The following GPR157 variants were observed in gnomAD, a reference collection of about 807,000 sequenced individuals.
GPR157 encodes G protein-coupled receptor 157.
Under a neutral mutation model 23.5 loss-of-function variants are expected in GPR157, and 16 were observed. That is an observed-to-expected ratio of 0.68 (90% confidence interval 0.46 to 1.04). The LOEUF (loss-of-function observed/expected upper bound fraction) is 1.04, where lower values mean the gene tolerates loss of function less well. Among genes scored for constraint, GPR157 ranks in the 50% least tolerant of loss-of-function variants. The pLI is 0.00. For missense variants in GPR157, 440 were observed against 460.7 expected, an observed-to-expected ratio of 0.96 and a Z score of 0.41; for synonymous variants, 200 against 221.5, an observed-to-expected ratio of 0.90 and a Z score of 0.86.
At chr1:9,116,492 C>T (rs1195156400) in intron 1 of GPR157, among the ~76,000 whole-genome samples, 2 of 138,676 alleles carry the variant, frequency 1.4e-5, no homozygotes, top group Non-Finnish European at 3.0e-5. Context: ...TTATTATTCC[C>T]AGCACTTTGA....
chr1:9,128,681 C>T lies in GPR157; in HGVS notation c.347G>A (p.Arg116His), dbSNP rs139688767. ...LSIVRAARGPRTDRLLWAFHV... is the reference protein window; with the variant it reads ...LSIVRAARGPHTDRLLWAFHV... The stretch of plus-strand genomic sequence containing the variant: ...GAAGGCCCAAAGCAGGCGATCTGTG[C>T]GAGGCCCGCGCGCGGCGCGGACGAT... The change falls in exon 1 of 4, where the codon CGC becomes CAC. Residue 116 changes from arginine to histidine, a missense_variant. Physicochemically the swap from Arg to His is conservative, Grantham distance 29. Coordinates refer to ENST00000377411, the MANE Select transcript of GPR157 (RefSeq NM_024980.5). This position sits in a 1 kb window ranked among gnomAD's most constrained non-coding sequence, Gnocchi z 6.3. The T allele has an allele frequency of 4.3e-6, 7 of 1,613,162 alleles. No individual in the cohort carries two copies. The highest frequency in any genetic ancestry group is 1.1e-5 in the South Asian group (1 of 91,080).
intron 1 of GPR157, among the ~76,000 whole-genome samples, chr1:9,119,265 T>C (rs1262576180): frequency 2.0e-5 from 3 of 152,050 alleles, no homozygotes; most frequent in Non-Finnish European, 4.4e-5. Flanking sequence ...ACTCCTGACC[T>C]CAGGTGATCC....
chr1:9,100,676 A>G lies in GPR157; in HGVS notation c.*3743T>C, dbSNP rs935512388. ...CAGTACGTGTTATGGCTGAGGTTAC[A>G]CTTGGGTGACTCAGGGATGCAGGCA... On this transcript the variant is annotated 3_prime_UTR_variant, in exon 4 of 4. Transcript: ENST00000377411. 2 of 152,390 alleles carry G rather than the reference A, an allele frequency of 1.3e-5. No homozygotes were observed. The highest frequency in any genetic ancestry group is 3.9e-4 in the East Asian group (2 of 5,184). The allele number at this position is 152,390 out of a possible 1,614,324, so 9.4% of individuals were successfully genotyped here. A position where few individuals can be genotyped will look rare whatever the true frequency, so the allele number is the denominator to read the frequency against.
At chr1:9,110,929 G>A (rs969000623) in intron 2 of GPR157, among the ~76,000 whole-genome samples, 2 of 152,198 alleles carry the variant, frequency 1.3e-5, no homozygotes, top group African/African-American at 4.8e-5. Context: ...ACCACAGGCC[G>A]TCCACCAGGG....
At chr1:9,107,032 C>G (rs370185223) in intron 2 of GPR157, among the ~76,000 whole-genome samples, 3 of 152,176 alleles carry the variant, frequency 2.0e-5, no homozygotes, top group Non-Finnish European at 4.4e-5. Flanking sequence ...CCCATCCTCA[C>G]GTTCCGCTTT....
intron 1 of GPR157, among the ~76,000 whole-genome samples, chr1:9,119,011 G>C (rs1638744735): frequency 6.6e-6 from 1 of 151,762 alleles, no homozygotes; most frequent in African/African-American, 2.4e-5. Context: ...CTCTAGCCTG[G>C]GTGAGAGTGA....
chr1:9,104,661 A>G, intron 3 of GPR157, 27 bp from the exon 4 acceptor site: 2 of 1,533,068 alleles, frequency 1.3e-6, no homozygotes, highest in African/African-American at 1.4e-5. Flanking sequence ...AGCTGTGAGC[A>G]TGGGGCTGGA....
chr1:9,121,577 C>T (rs890844328), intron 1 of GPR157, among the ~76,000 whole-genome samples: 1 of 152,024 alleles, frequency 6.6e-6, no homozygotes, highest in African/African-American at 2.4e-5. Flanking sequence ...GAAGTGGAAG[C>T]TGCAGTGAGC....
In GPR157 at chr1:9,112,398, G is replaced by A. The variant is rs141409110; in HGVS notation, c.384-909C>T. 6.7e-3 allele frequency among the ~76,000 whole-genome samples: 1,025 copies of A among 152,266 alleles called. 17 individuals carry two copies. The highest frequency in any genetic ancestry group is 5.4e-3 in the South Asian group (26 of 4,826). ...GGAACAGAACCTGGCAAGGGTCAAC[G>A]GGGACCTTTGAAAACATAAAGCTCA... On this transcript the variant is annotated intron_variant, in intron 1 of 3. Transcript: ENST00000377411.
At chr1:9,112,449 T>A (rs1444885373) in intron 1 of GPR157, among the ~76,000 whole-genome samples, 1 of 152,126 alleles carries the variant, frequency 6.6e-6, no homozygotes, top group African/African-American at 2.4e-5. Flanking sequence ...AAGGGCAGTG[T>A]TGGGCTCAGT....
rs773607463 is a variant in GPR157, at chr1:9,104,632, A to C, written c.795T>G (p.Gly265=). 3.8e-6 allele frequency: 6 copies of C among 1,592,938 alleles called. No individual in the cohort carries two copies. Among genetic ancestry groups the C allele is most frequent in the Non-Finnish European group, 8.6e-7 (1 of 1,167,730 alleles). Reference sequence around the variant, plus strand: ...CACCTCCCTGAAACGTGTTCCCGATACCCTGTCGGGAGAAAAGGAGCTGTG... The same window carrying C: ...CACCTCCCTGAAACGTGTTCCCGATCCCCTGTCGGGAGAAAAGGAGCTGTG... The part of the protein sequence containing the change: ...VQTPVLVVLH[G]IGNTFQGGAN... The change falls in exon 4 of 4, where the codon GGT becomes GGG. Residue 265 remains glycine, a splice_region_variant and synonymous_variant. Transcript: ENST00000377411.
intron 1 of GPR157, among the ~76,000 whole-genome samples, chr1:9,125,260 G>A (rs770944660): frequency 2.0e-5 from 3 of 150,996 alleles, no homozygotes; most frequent in East Asian, 1.9e-4. Context: ...CTGTCACTCC[G>A]GCTGGAATGC....
At chr1:9,111,043 G>C (rs1638477972) in intron 2 of GPR157, 15 of 590,342 alleles carry the variant, frequency 2.5e-5, no homozygotes, top group Middle Eastern at 3.1e-4. Flanking sequence ...ATCTACAAAG[G>C]AGTAACAGGA....
intron 1 of GPR157, among the ~76,000 whole-genome samples, chr1:9,112,374 G>A (rs1638531011): frequency 6.6e-6 from 1 of 152,306 alleles, no homozygotes; most frequent in South Asian, 2.1e-4. Context: ...CAATGGCGGG[G>A]AACAGAACCT....
In GPR157 at chr1:9,125,600, C is replaced by T. The variant is rs116377730; in HGVS notation, c.383+3045G>A. On this transcript the variant is annotated intron_variant, in intron 1 of 3. Coordinates refer to ENST00000377411, the MANE Select transcript of GPR157 (RefSeq NM_024980.5). ...TTTATGTGGCTGTAATCAGTGTTAG[C>T]GATGGTTTCTGTCACTTCGCATTGA... Among the ~76,000 whole-genome samples the T allele has an allele frequency of 3.0e-3, 454 of 152,214 alleles. 4 individuals carry two copies. Among genetic ancestry groups the T allele is most frequent in the African/African-American group, 0.01 (434 of 41,526 alleles).
At chr1:9,109,067 C>T (rs575533465) in intron 2 of GPR157, among the ~76,000 whole-genome samples, 9 of 149,012 alleles carry the variant, frequency 6.0e-5, no homozygotes, top group African/African-American at 2.2e-4. Context: ...TGAGCCACCG[C>T]ACCCGGCCCT....
chr1:9,123,274 AAATATATAT>A (rs1557700660), intron 1 of GPR157, among the ~76,000 whole-genome samples: 82 of 21,866 alleles, frequency 3.8e-3, no homozygotes, highest in Non-Finnish European at 6.8e-3. Context: ...ATATATATTT[AAATATATAT>A]TTAAATTAAT....
chr1:9,128,275 G>C lies in GPR157; in HGVS notation c.383+370C>G, dbSNP rs1349391951. The C allele has an allele frequency of 1.9e-6, 1 of 518,772 alleles. No homozygotes were observed. The allele number at this position is 518,772 out of a possible 1,614,324, so 32.1% of individuals were successfully genotyped here. A position where few individuals can be genotyped will look rare whatever the true frequency, so the allele number is the denominator to read the frequency against. On this transcript the variant is annotated intron_variant, in intron 1 of 3. Transcript: ENST00000377411. This position sits in a 1 kb window ranked among gnomAD's most constrained non-coding sequence, Gnocchi z 6.3. ...CCAGCCCGGGACAGTTACCTAACTC[G>C]TCTCCCAGCCTGTTTCCCCATGGGC...
chr1:9,116,177 AT>A (rs1466323540), intron 1 of GPR157, among the ~76,000 whole-genome samples: 1 of 9,802 alleles, frequency 1.0e-4, no homozygotes, highest in African/African-American at 7.7e-4. Flanking sequence ...ATAATTATAT[AT>A]ATTATATATA....
Sources: allele counts gnomAD v4.1 joint callset (sites outside exome capture counted in the v4.1 genomes callset), GRCh38; gene constraint gnomAD v4.1.1; non-coding constraint Gnocchi (gnomAD v3.1); transcripts MANE v1.5; gene names NCBI Gene and HGNC (gene_info 2026-07-23, HGNC 2026-07-21).